The following CFAP44 variants were observed in gnomAD, a reference collection of about 807,000 sequenced individuals.
CFAP44 encodes cilia- and flagella-associated protein 44.
In CFAP44, 134 loss-of-function variants were observed where a neutral mutation model predicts 216.2. The ratio of observed to expected loss-of-function variants is 0.62; its 90% CI spans 0.54 to 0.72. CFAP44 has a LOEUF of 0.72. CFAP44 is among the 30% of genes least tolerant of loss of function. CFAP44 has a pLI of 0.00. For missense variants in CFAP44, 2,035 were observed against 2,182.1 expected, an observed-to-expected ratio of 0.93 and a Z score of 1.34; for synonymous variants, 700 against 727.6, an observed-to-expected ratio of 0.96 and a Z score of 0.61.
At chr3:113,294,386 G>A (rs538813424) in intron 34 of CFAP44, 18 of 350,796 alleles carry the variant, frequency 5.1e-5, no homozygotes, top group African/African-American at 1.7e-4. Context: ...AACCCAGGGC[G>A]TATAATGGTG....
rs1934192134 is a variant in CFAP44 at position 113,403,355 on chromosome 3, A to G, written c.1170+497T>C. 2.0e-5 allele frequency among the ~76,000 whole-genome samples: 3 copies of G among 152,228 alleles called. No individual in the cohort carries two copies. In the South Asian group the frequency reaches 6.2e-4, roughly 32 times the overall value. ...TCCAGCTTAGCCCAGGCTTTGGGCA[A>G]GAGAGTGTCCCCAAGAGAAAGCAAG... On this transcript the variant is annotated intron_variant, in intron 9 of 34. Coordinates refer to ENST00000393845, the MANE Select transcript of CFAP44 (RefSeq NM_001164496.2).
intron 7 of CFAP44, among the ~76,000 whole-genome samples, chr3:113,407,420 A>C (rs1011708218): frequency 2.0e-5 from 3 of 152,240 alleles, no homozygotes; most frequent in Non-Finnish European, 4.4e-5. Flanking sequence ...CAGTAACTAC[A>C]TGTGGCTGGC....
At chr3:113,417,379 C>G (rs1201548490) in intron 5 of CFAP44, 2 of 152,036 alleles carry the variant, frequency 1.3e-5, no homozygotes, top group African/African-American at 2.4e-5. Context: ...TCAAAGATAG[C>G]CATATAAGTT....
At chr3:113,400,878 A>T (rs1934122590) in intron 11 of CFAP44, among the ~76,000 whole-genome samples, 1 of 152,064 alleles carries the variant, frequency 6.6e-6, no homozygotes, top group Non-Finnish European at 1.5e-5. Context: ...CTCAAATGCC[A>T]GTTTCCATTT....
intron 19 of CFAP44, among the ~76,000 whole-genome samples, chr3:113,365,445 C>T (rs60874496): frequency 0.083 from 12,621 of 152,130 alleles, 637 homozygotes; most frequent in East Asian, 0.15. Context: ...TTTTTCCAAA[C>T]AAATTGCTTG....
rs58650082 is a variant in CFAP44 at position 113,328,696 on chromosome 3, TAAAAAAAAAA to T, written c.4117-887_4117-878del. ...AACTACCAGAGAAATTTAGAGAGCT[TAAAAAAAAAA>T]AAAAAAAAAAAAAAAAAAAAAACAG... On this transcript the variant is annotated intron_variant, in intron 26 of 34. Coordinates refer to ENST00000393845, the MANE Select transcript of CFAP44 (RefSeq NM_001164496.2). 5.6e-4 allele frequency among the ~76,000 whole-genome samples: 16 copies of T among 28,570 alleles called. No individual in the cohort carries two copies. The East Asian group carries it at 7.2e-3, about 13-fold the overall frequency. 18.7% of individuals were successfully genotyped at this position (28,570 alleles called of 152,430 possible).
chr3:113,327,202 T>C (rs1950196482), intron 27 of CFAP44, among the ~76,000 whole-genome samples: 1 of 152,172 alleles, frequency 6.6e-6, no homozygotes. Flanking sequence ...TATATTACAC[T>C]GAAGCTGTCA....
chr3:113,407,307 C>T (rs1198977395), intron 7 of CFAP44, among the ~76,000 whole-genome samples: 2 of 152,092 alleles, frequency 1.3e-5, no homozygotes, highest in South Asian at 2.1e-4. Flanking sequence ...TAATGCAGTA[C>T]CCTCCAGCTA....
At chr3:113,328,810 A>T (rs1176775510) in intron 26 of CFAP44, among the ~76,000 whole-genome samples, 1 of 151,324 alleles carries the variant, frequency 6.6e-6, no homozygotes, top group Non-Finnish European at 1.5e-5. Context: ...AGCTTGTTTA[A>T]CAAACTTGAA....
At position 113,379,248 on chromosome 3, in the gene CFAP44, A is replaced by G. The variant is rs543245965; in HGVS notation, c.2298+58T>C. On this transcript the variant is annotated intron_variant, in intron 17 of 34. Transcript: ENST00000393845. ...AAGAGTAAGAAAGAATGAAGTTACA[A>G]TAACTATAAACTATATTGAAATATG... 2.6e-4 allele frequency: 323 copies of G among 1,235,632 alleles called. 7 individuals are homozygous for G. In the South Asian group the frequency reaches 7.7e-3, roughly 29 times the overall value. The allele number at this position is 1,235,632 out of a possible 1,614,324, so 76.5% of individuals were successfully genotyped here.
rs186641705 is a variant in CFAP44, at chr3:113,418,024, G to T, written c.571-1397C>A. Among the ~76,000 whole-genome samples, 15 of 151,824 alleles carry T rather than the reference G, an allele frequency of 9.9e-5. No individual in the cohort carries two copies. In the East Asian group the frequency reaches 2.7e-3, roughly 28 times the overall value. On this transcript the variant is annotated intron_variant, in intron 5 of 34. Coordinates refer to ENST00000393845, the MANE Select transcript of CFAP44 (RefSeq NM_001164496.2). ...GAAACTGCTGTGGGGTTGAGTTTGG[G>T]AGTTTTATTTATTTAATTATTTATT...
intron 6 of CFAP44, among the ~76,000 whole-genome samples, chr3:113,413,642 CTTGT>C (rs1934555222): frequency 6.6e-6 from 1 of 152,184 alleles, no homozygotes; most frequent in Non-Finnish European, 1.5e-5. Flanking sequence ...TTCCCCGTTG[CTTGT>C]TTTTGTCAGG....
chr3:113,291,692 A>C lies in CFAP44; in HGVS notation c.5430T>G (p.Thr1810=). The part of the protein sequence containing the change: ...EADVVAREEV[T]ELIQLQAERI... ...TTTCCGCCTGGAGTTGGATCAATTC[A>C]GTGACCTCCTCTCTTGCCACAACAT... Residue 1810 remains threonine (T), a synonymous_variant, in exon 35 of 35, where the codon ACT becomes ACG. Transcript: ENST00000393845. 1 of 1,537,118 alleles carries C rather than the reference A, an allele frequency of 6.5e-7. No individual in the cohort carries two copies. The highest frequency in any genetic ancestry group is 8.7e-7 in the Non-Finnish European group (1 of 1,146,984).
chr3:113,418,057 A>AATTTACTTATTT (rs1934696736), intron 5 of CFAP44, among the ~76,000 whole-genome samples: 2 of 148,952 alleles, frequency 1.3e-5, no homozygotes, highest in East Asian at 2.0e-4. Flanking sequence ...ATTGAGACAC[A>AATTTACTTATTT]ATTTATTTAT....
chr3:113,402,673 C>A (rs1934175761), intron 9 of CFAP44, among the ~76,000 whole-genome samples: 1 of 152,124 alleles, frequency 6.6e-6, no homozygotes, highest in East Asian at 1.9e-4. Flanking sequence ...GGGAGTTGGG[C>A]TAGGTTTTTT....
At chr3:113,346,716 TC>T (rs1300378469) in intron 22 of CFAP44, among the ~76,000 whole-genome samples, 2 of 152,008 alleles carry the variant, frequency 1.3e-5, no homozygotes, top group Non-Finnish European at 2.9e-5. Flanking sequence ...AAGGCACCAA[TC>T]CGCACTCTGT....
intron 6 of CFAP44, among the ~76,000 whole-genome samples, chr3:113,412,208 A>C (rs1340604247): frequency 6.6e-6 from 1 of 152,192 alleles, no homozygotes. Flanking sequence ...AATTAGGAAA[A>C]GAGGAACTCA....
intron 22 of CFAP44, among the ~76,000 whole-genome samples, chr3:113,352,714 T>C (rs1950456700): frequency 6.6e-6 from 1 of 152,018 alleles, no homozygotes; most frequent in African/African-American, 2.4e-5. Flanking sequence ...ACAAGAAATC[T>C]AAACAGAGAA....
In CFAP44 at chr3:113,379,325, C is replaced by G. The variant is rs777352698; in HGVS notation, c.2279G>C (p.Gly760Ala). The G allele has an allele frequency of 6.3e-7, 1 of 1,586,536 alleles. No individual in the cohort carries two copies. The highest frequency in any genetic ancestry group is 1.7e-5 in the Admixed American group (1 of 58,540). The change falls in exon 17 of 35, where the codon GGG becomes GCG. Residue 760 changes from glycine (G) to alanine (A), a missense_variant. Gly to Ala is a moderately conservative substitution (Grantham distance 60). Around this residue, in one of 3 missense-constraint regions of CFAP44, gnomAD observed 1,883 missense variants for 2,023.7 expected, o/e 0.93. Coordinates refer to ENST00000393845, the MANE Select transcript of CFAP44 (RefSeq NM_001164496.2). ...PILCGFYSEP[G>A]KFWVSLGGYD... Reference sequence around the variant, plus strand: ...ACTTACCAAAGAAACCCAGAACTTCCCTGGCTCTGAGTAAAATCCACAGAG... The same window carrying G: ...ACTTACCAAAGAAACCCAGAACTTCGCTGGCTCTGAGTAAAATCCACAGAG...
Sources: gnomAD v4.1 joint callset for allele counts (sites outside exome capture counted in the v4.1 genomes callset) on GRCh38, gnomAD v4.1.1 for gene constraint, gnomAD v4.1.1 regional missense constraint, MANE v1.5 for transcripts, NCBI Gene and HGNC (gene_info 2026-07-23, HGNC 2026-07-21) for gene names.